The following MIA2 variants were observed in gnomAD, a reference collection of about 807,000 sequenced individuals.
The protein encoded by MIA2 is melanoma inhibitory activity protein 2.
A neutral mutation model predicts 167.8 loss-of-function variants in MIA2; 127 were observed. The observed-to-expected ratio is 0.76, with a 90% CI of 0.66 to 0.88. The LOEUF (loss-of-function observed/expected upper bound fraction) is 0.88. MIA2 is among the 40% of genes least tolerant of loss of function. The pLI is 0.00. For synonymous variants in MIA2, 552 were observed against 541.9 expected, an observed-to-expected ratio of 1.02 and a Z score of -0.26; for missense variants, 1,690 against 1,624.7, an observed-to-expected ratio of 1.04 and a Z score of -0.69.
chr14:39,234,141 C>T lies in MIA2; in HGVS notation c.27C>T (p.Ile9=). 2.5e-6 allele frequency: 4 copies of T among 1,605,972 alleles called. No individual in the cohort carries two copies. The highest frequency in any genetic ancestry group is 3.4e-6 in the Non-Finnish European group (4 of 1,177,138). ...TGGCAAAATTTGGCGTTCACAGAATCCTTCTTCTGGCTATTTCTCTGACAA... is the reference window on the plus strand; with the variant it reads ...TGGCAAAATTTGGCGTTCACAGAATTCTTCTTCTGGCTATTTCTCTGACAA... MAKFGVHR[I]LLLAISLTKC... The change falls in exon 1 of 29, where the codon ATC becomes ATT. Residue 9 remains isoleucine (I), a synonymous_variant. Coordinates refer to ENST00000640607, the MANE Select transcript of MIA2 (RefSeq NM_001329214.4).
chr14:39,343,707 T>C (rs994700756), intron 25 of MIA2, among the ~76,000 whole-genome samples: 1 of 152,196 alleles, frequency 6.6e-6, no homozygotes, highest in African/African-American at 2.4e-5. Flanking sequence ...AAAGGGACCT[T>C]TCATGTCCTT....
chr14:39,325,607 C>G (rs10140553), intron 24 of MIA2, among the ~76,000 whole-genome samples: 25 of 151,334 alleles, frequency 1.7e-4, no homozygotes, highest in Admixed American at 5.9e-4. Context: ...GACCTTGTGA[C>G]CCGCCCGCCT....
rs148300233 is a variant in MIA2, at chr14:39,319,263, C to T, written c.3339C>T (p.Leu1113=). ...FELLEKDPYA[L]DVPNTAFGRE... Reference sequence around the variant, plus strand: ...TTTTAGAAAAAGATCCTTATGCACTCGATGTTCCAAATACAGCATTTGGCA... The same window carrying T: ...TTTTAGAAAAAGATCCTTATGCACTTGATGTTCCAAATACAGCATTTGGCA... Residue 1113 remains leucine, a synonymous_variant, in exon 23 of 29, where the codon CTC becomes CTT. Transcript: ENST00000640607. The T allele has an allele frequency of 3.2e-4, 496 of 1,553,880 alleles. 3 individuals carry two copies. The highest frequency in any genetic ancestry group is 1.1e-3 in the Middle Eastern group (5 of 4,614).
intron 3 of MIA2, among the ~76,000 whole-genome samples, chr14:39,246,299 G>A (rs2054306537): frequency 6.6e-6 from 1 of 151,960 alleles, no homozygotes; most frequent in Admixed American, 6.6e-5. Context: ...GTTTCGCCAT[G>A]TTGGCCAGGC....
At chr14:39,249,082 G>A (rs1237512694) in intron 4 of MIA2, among the ~76,000 whole-genome samples, 1 of 152,144 alleles carries the variant, frequency 6.6e-6, no homozygotes. Context: ...TATTAAATTA[G>A]ATCTTATTCT....
rs777928994 is a variant in MIA2, at chr14:39,308,443, A to G, written c.2879-6A>G. 9.4e-6 allele frequency: 14 copies of G among 1,484,344 alleles called. No individual in the cohort carries two copies. The highest frequency in any genetic ancestry group is 1.4e-5 in the African/African-American group (1 of 69,238). 91.9% of individuals were successfully genotyped at this position (1,484,344 alleles called of 1,614,324 possible). A position where few individuals can be genotyped will look rare whatever the true frequency, so the allele number is the denominator to read the frequency against. ...CCTTTAATTATGACTTAAAATTTTT[A>G]TATAGAGCATATTAAAAATCTTCAG... is the stretch of plus-strand genomic sequence containing the variant. On this transcript the variant is annotated splice_polypyrimidine_tract_variant and splice_region_variant and intron_variant, in intron 17 of 28. Transcript: ENST00000640607.
intron 14 of MIA2, among the ~76,000 whole-genome samples, chr14:39,301,432 T>C (rs1000682832): frequency 7.2e-5 from 11 of 152,156 alleles, no homozygotes; most frequent in African/African-American, 2.4e-4. Context: ...CTTTTAAAGA[T>C]AACAAGAATG....
In MIA2 at chr14:39,237,071, T is replaced by TA. The variant is rs1456709876; in HGVS notation, c.249+21dup. On this transcript the variant is annotated intron_variant, in intron 2 of 28. Transcript: ENST00000640607. ...GGCAGGAAGTGTAAGTAACTACTTT[T>TA]AAAAATTGAATGCAGAATAAATGAC... 6 of 1,608,060 alleles carry TA rather than the reference T, an allele frequency of 3.7e-6. No individual in the cohort carries two copies. The East Asian group carries it at 8.9e-5, about 24-fold the overall frequency.
chr14:39,322,540 A>C (rs1272052069), intron 24 of MIA2, among the ~76,000 whole-genome samples: 1 of 85,102 alleles, frequency 1.2e-5, no homozygotes, highest in South Asian at 4.5e-4. Context: ...ACTCCGTCTC[A>C]AAAAAAAAAA....
At chr14:39,335,552 CTT>C (rs1192425127) in intron 25 of MIA2, among the ~76,000 whole-genome samples, 2 of 152,166 alleles carry the variant, frequency 1.3e-5, no homozygotes, top group African/African-American at 4.8e-5. Context: ...ACTGCTCTAA[CTT>C]ATCTCTTTTC....
intron 6 of MIA2, among the ~76,000 whole-genome samples, chr14:39,264,558 T>C (rs1380479135): frequency 6.6e-6 from 1 of 152,230 alleles, no homozygotes; most frequent in Admixed American, 6.5e-5. Flanking sequence ...AATGTTTATA[T>C]ATTCTTAAGT....
At chr14:39,383,651 C>G (rs576857992) in intron 23 of MIA2, among the ~76,000 whole-genome samples, 1 of 152,272 alleles carries the variant, frequency 6.6e-6, no homozygotes, top group African/African-American at 2.4e-5. Context: ...GTTGTGAATG[C>G]AAAGGAGAAG....
chr14:39,357,507 G>GT (rs1318091576), intron 23 of MIA2, among the ~76,000 whole-genome samples: 1 of 151,972 alleles, frequency 6.6e-6, no homozygotes, highest in Non-Finnish European at 1.5e-5. Flanking sequence ...TCTTCATTCA[G>GT]TTTGCCAGTC....
chr14:39,273,118 A>G (rs2057418946), intron 6 of MIA2, among the ~76,000 whole-genome samples: 1 of 151,886 alleles, frequency 6.6e-6, no homozygotes, highest in Admixed American at 6.6e-5. Flanking sequence ...CTTCCTTTCC[A>G]GTCTGGATGC....
intron 23 of MIA2, among the ~76,000 whole-genome samples, chr14:39,373,869 AAAC>A (rs925471881): frequency 2.0e-5 from 3 of 152,038 alleles, no homozygotes; most frequent in African/African-American, 7.3e-5. Context: ...ATAAGAAAAA[AAAC>A]AAACTCTGGC....
At chr14:39,269,097 T>TTTTTTTTTC (rs2056642324) in intron 6 of MIA2, 1 of 900,946 alleles carries the variant, frequency 1.1e-6, no homozygotes, top group Non-Finnish European at 1.3e-6. Flanking sequence ...TTTTTTTTTT[T>TTTTTTTTTC]TTGCTAAATG....
At chr14:39,297,028 C>G (rs145209453) in intron 13 of MIA2, among the ~76,000 whole-genome samples, 1 of 151,822 alleles carries the variant, frequency 6.6e-6, no homozygotes, top group Non-Finnish European at 1.5e-5. Context: ...CCACTCACCT[C>G]GGCCTCCCAA....
At chr14:39,335,795 T>C (rs2070252569) in intron 25 of MIA2, among the ~76,000 whole-genome samples, 2 of 152,196 alleles carry the variant, frequency 1.3e-5, no homozygotes, top group Admixed American at 1.3e-4. Context: ...CCAGTGTCTC[T>C]TGTTATCATC....
rs769534317 is a variant in MIA2, at chr14:39,238,793, C to CAAAAAAAAAAAAAAAAAAAAAAAAA, written c.250-1750_250-1749insAAAAAAAAAAAAAAAAAAAAAAAAA. ...TGGGTTACAAAGTGAGACCCTGTCT[C>CAAAAAAAAAAAAAAAAAAAAAAAAA]AAAAAAAAAAAAAAAAAACCCAAAA... On this transcript the variant is annotated intron_variant, in intron 2 of 28. Transcript: ENST00000640607. 1.2e-3 allele frequency among the ~76,000 whole-genome samples: 36 copies of CAAAAAAAAAAAAAAAAAAAAAAAAA among 30,788 alleles called. 1 individual carries two copies. Among genetic ancestry groups the CAAAAAAAAAAAAAAAAAAAAAAAAA allele is most frequent in the East Asian group, 3.6e-3 (2 of 562 alleles). 20.2% of individuals were successfully genotyped at this position (30,788 alleles called of 152,430 possible).
Sources: allele counts gnomAD v4.1 joint callset (sites outside exome capture counted in the v4.1 genomes callset), GRCh38; gene constraint gnomAD v4.1.1; transcripts MANE v1.5; gene names NCBI Gene and HGNC (gene_info 2026-07-23, HGNC 2026-07-21).